The following AGMO variants were observed in gnomAD, a reference collection of about 807,000 sequenced individuals.
AGMO encodes glyceryl-ether monooxygenase.
In AGMO, 75 loss-of-function variants were observed where a neutral mutation model predicts 60.2. That is an observed-to-expected ratio of 1.25 (90% CI 1.03 to 1.51). The LOEUF (loss-of-function observed/expected upper bound fraction) is 1.51. Ranked by LOEUF, AGMO falls within the 40% of genes most tolerant of loss-of-function variation. AGMO has a pLI of 0.00. For missense variants in AGMO, 763 were observed against 525.5 expected, an observed-to-expected ratio of 1.45 and a Z score of -4.42; for synonymous variants, 261 against 177.1, an observed-to-expected ratio of 1.47 and a Z score of -3.76.
Position 15,561,802 on chromosome 7 carries a change from C to A in AGMO, c.44G>T (p.Gly15Val). The stretch of plus-strand genomic sequence containing the variant: ...CATCGTGTAAAACAACATGCGAAAT[C>A]CCTGGGAAACTGAAACATCCTGCTG... ...EAQQDVSVSQ[G>V]FRMLFYTMKP... Residue 15 changes from glycine to valine, a missense_variant, in exon 1 of 13, where the codon GGA (glycine) becomes GTA (valine). Coordinates refer to ENST00000342526, the MANE Select transcript of AGMO (RefSeq NM_001004320.2). 1 of 1,609,978 alleles carries A rather than the reference C, an allele frequency of 6.2e-7. No individual in the cohort carries two copies. Among genetic ancestry groups the A allele is most frequent in the Non-Finnish European group, 8.5e-7 (1 of 1,177,466 alleles).
At chr7:15,276,935 G>C (rs1375420166) in intron 12 of AGMO, among the ~76,000 whole-genome samples, 5 of 149,078 alleles carry the variant, frequency 3.4e-5, no homozygotes, top group Non-Finnish European at 7.4e-5. Flanking sequence ...TTCATTTCCT[G>C]GATTGCCTTT....
intron 12 of AGMO, among the ~76,000 whole-genome samples, chr7:15,294,879 C>T (rs376410354): frequency 5.3e-5 from 8 of 151,632 alleles, no homozygotes; most frequent in Admixed American, 1.3e-4. Context: ...TGAAATTTAT[C>T]GAAAAGTGAT....
chr7:15,435,831 C>A (rs905750903), intron 3 of AGMO, among the ~76,000 whole-genome samples: 8 of 152,032 alleles, frequency 5.3e-5, no homozygotes, highest in Non-Finnish European at 1.0e-4. Flanking sequence ...CAGAATGTAA[C>A]CCTCCTACAT....
chr7:15,162,317 A>T, the AGMO span, among the ~76,000 whole-genome samples: 1 of 152,292 alleles, frequency 6.6e-6, no homozygotes, highest in Admixed American at 6.5e-5. Context: ...ATTTGCAAAC[A>T]GTTTACAACT....
chr7:15,354,382 A>AGACG (rs1563105118), intron 12 of AGMO, among the ~76,000 whole-genome samples: 520 of 47,698 alleles, frequency 0.011, 60 homozygotes, highest in Non-Finnish European at 0.014. Context: ...GTGTGTATAC[A>AGACG]CGTGTGTGTA....
the AGMO span, among the ~76,000 whole-genome samples, chr7:15,127,837 T>C: frequency 6.6e-6 from 1 of 152,150 alleles, no homozygotes; most frequent in Non-Finnish European, 1.5e-5. Context: ...TTTTGAGTTT[T>C]GGAAATGTAG....
chr7:15,548,893 A>T (rs1379167304), intron 2 of AGMO, among the ~76,000 whole-genome samples: 1 of 151,820 alleles, frequency 6.6e-6, no homozygotes, highest in African/African-American at 2.4e-5. Flanking sequence ...AATGAAGGAA[A>T]AAATGTTAAG....
At chr7:15,143,912 G>A in the AGMO span, among the ~76,000 whole-genome samples, 7 of 152,116 alleles carry the variant, frequency 4.6e-5, no homozygotes, top group Middle Eastern at 6.8e-3. Flanking sequence ...GAAAGCCAGC[G>A]CACTGTACAT....
chr7:15,319,224 T>C (rs191214189), intron 12 of AGMO, among the ~76,000 whole-genome samples: 41 of 152,300 alleles, frequency 2.7e-4, no homozygotes, highest in Middle Eastern at 3.4e-3. Flanking sequence ...AAAATAATTT[T>C]AAAATATGGT....
At chr7:15,275,376 A>C (rs1001257598) in intron 12 of AGMO, among the ~76,000 whole-genome samples, 2 of 152,070 alleles carry the variant, frequency 1.3e-5, no homozygotes, top group Admixed American at 1.3e-4. Context: ...TTGATTTCTA[A>C]TTTTATTCCA....
chr7:15,489,701 C>T (rs1005121238), intron 3 of AGMO, among the ~76,000 whole-genome samples: 7 of 152,130 alleles, frequency 4.6e-5, no homozygotes, highest in Admixed American at 1.3e-4. Context: ...GAAATGAGTG[C>T]GTTCATCAAT....
chr7:15,527,322 C>A (rs565752440), intron 3 of AGMO, among the ~76,000 whole-genome samples: 1 of 152,114 alleles, frequency 6.6e-6, no homozygotes, highest in Non-Finnish European at 1.5e-5. Flanking sequence ...GCAAAACAGC[C>A]TCATTGCTGA....
intron 12 of AGMO, among the ~76,000 whole-genome samples, chr7:15,358,757 G>C (rs983956965): frequency 2.0e-5 from 3 of 152,150 alleles, no homozygotes; most frequent in Non-Finnish European, 4.4e-5. Context: ...GTCACCCAAT[G>C]CCAGCAAGAG....
At chr7:15,250,095 A>G (rs762343628) in intron 12 of AGMO, among the ~76,000 whole-genome samples, 8 of 152,184 alleles carry the variant, frequency 5.3e-5, no homozygotes, top group Non-Finnish European at 8.8e-5. Context: ...ACAATTTAAT[A>G]TAATTGTGCT....
chr7:15,253,492 T>C (rs546117737), intron 12 of AGMO, among the ~76,000 whole-genome samples: 7 of 152,260 alleles, frequency 4.6e-5, no homozygotes, highest in African/African-American at 1.7e-4. Context: ...CTGAGCAAGG[T>C]GCAGGGCCAG....
intron 3 of AGMO, among the ~76,000 whole-genome samples, chr7:15,469,734 G>C (rs920110901): frequency 1.3e-5 from 2 of 152,136 alleles, no homozygotes; most frequent in African/African-American, 2.4e-5. Flanking sequence ...TATTAAAGGA[G>C]ATAGAGAATA....
chr7:15,322,818 C>T (rs1273977835), intron 12 of AGMO, among the ~76,000 whole-genome samples: 2 of 138,694 alleles, frequency 1.4e-5, no homozygotes, highest in East Asian at 4.1e-4. Context: ...TATACACATA[C>T]ATGTGACACA....
chr7:15,523,861 T>TA (rs1784060775), intron 3 of AGMO, among the ~76,000 whole-genome samples: 1 of 152,096 alleles, frequency 6.6e-6, no homozygotes, highest in Admixed American at 6.6e-5. Flanking sequence ...CCAGGAAGAA[T>TA]AAAAAATATA....
rs1338134305 is a variant in AGMO at position 15,229,490 on chromosome 7, A to T, written c.1264-28131T>A. 2.8e-5 allele frequency among the ~76,000 whole-genome samples: 4 copies of T among 143,210 alleles called. No individual in the cohort carries two copies. The East Asian group carries it at 7.9e-4, about 28-fold the overall frequency. 94.0% of individuals were successfully genotyped at this position (143,210 alleles called of 152,430 possible). ...CAACTAGAAACTTCTCCCCATCTAC[A>T]CATCCCCTCATCCTTCCAAAAAAAA... On this transcript the variant is annotated intron_variant, in intron 12 of 12. Coordinates refer to ENST00000342526, the MANE Select transcript of AGMO (RefSeq NM_001004320.2).
Sources: gnomAD v4.1 joint callset for allele counts (sites outside exome capture counted in the v4.1 genomes callset) on GRCh38, gnomAD v4.1.1 for gene constraint, MANE v1.5 for transcripts, NCBI Gene and HGNC (gene_info 2026-07-23, HGNC 2026-07-21) for gene names.